Variants in ROBO2 observed in about 807,000 individuals in gnomAD.
The protein encoded by ROBO2 is roundabout guidance receptor 2.
Under a neutral mutation model 160.8 loss-of-function variants are expected in ROBO2, and 53 were observed. The ratio of observed to expected loss-of-function variants is 0.33; its 90% confidence interval spans 0.26 to 0.41. ROBO2 has a LOEUF of 0.41. Among genes scored for constraint, ROBO2 ranks in the 10% least tolerant of loss-of-function variants. ROBO2 has a pLI of 1.00. For synonymous variants in ROBO2, 664 were observed against 611.7 expected (o/e 1.09, Z -1.26); for missense variants, 1,577 against 1,722.4 (o/e 0.92, Z 1.49).
At chr3:76,315,668 A>G (rs2071956703) in intron 2 of ROBO2, among the ~76,000 whole-genome samples, 1 of 152,176 alleles carries the variant, frequency 6.6e-6, no homozygotes, top group Admixed American at 6.5e-5. Context: ...CCATTATTAT[A>G]TTTCTTCTGA....
chr3:77,344,963 T>G (rs2067469423), intron 2 of ROBO2, among the ~76,000 whole-genome samples: 1 of 152,092 alleles, frequency 6.6e-6, no homozygotes, highest in Non-Finnish European at 1.5e-5. Context: ...CTTATCTACT[T>G]CAGCATGACA....
chr3:77,237,411 T>TTGTGTGTGTGTGTGTGTGTGTGTG (rs71104662), intron 2 of ROBO2, among the ~76,000 whole-genome samples: 12 of 131,118 alleles, frequency 9.2e-5, no homozygotes, highest in East Asian at 4.2e-4. Context: ...TTGTTTTGTT[T>TTGTGTGTGTGTGTGTGTGTGTGTG]TGTGTGTGTG....
chr3:76,542,111 T>A (rs1034917624), intron 2 of ROBO2, among the ~76,000 whole-genome samples: 1 of 152,250 alleles, frequency 6.6e-6, no homozygotes, highest in Admixed American at 6.5e-5. Context: ...CTCTTGTAGT[T>A]TAGACTCTTT....
chr3:77,381,092 G>T (rs191272381), intron 2 of ROBO2, among the ~76,000 whole-genome samples: 3 of 152,282 alleles, frequency 2.0e-5, no homozygotes, highest in Non-Finnish European at 4.4e-5. Context: ...TAGGCGGGGG[G>T]ATCACGAGGT....
intron 2 of ROBO2, among the ~76,000 whole-genome samples, chr3:76,388,324 T>A (rs1433643121): frequency 6.6e-6 from 1 of 151,702 alleles, no homozygotes; most frequent in Non-Finnish European, 1.5e-5. Flanking sequence ...CAGGCTGGAG[T>A]GCAGTGGTGT....
At chr3:77,242,953 ATG>A (rs139300610) in intron 2 of ROBO2, among the ~76,000 whole-genome samples, 2 of 151,108 alleles carry the variant, frequency 1.3e-5, no homozygotes, top group African/African-American at 2.4e-5. Flanking sequence ...GAGAGTGAAT[ATG>A]TGTGTGTGTG....
At chr3:76,558,004 G>A (rs1179933746) in intron 2 of ROBO2, among the ~76,000 whole-genome samples, 1 of 132,384 alleles carries the variant, frequency 7.6e-6, no homozygotes, top group Non-Finnish European at 1.7e-5. Flanking sequence ...ACTAATTTCT[G>A]TTAGAGTTGA....
At chr3:77,110,766 A>G (rs2073475155) in intron 2 of ROBO2, among the ~76,000 whole-genome samples, 1 of 151,816 alleles carries the variant, frequency 6.6e-6, no homozygotes, top group Non-Finnish European at 1.5e-5. Context: ...TGATCACAGC[A>G]CACTGCAGCC....
At chr3:76,320,689 C>G (rs565529658) in intron 2 of ROBO2, among the ~76,000 whole-genome samples, 15 of 152,288 alleles carry the variant, frequency 9.8e-5, no homozygotes, top group South Asian at 2.1e-4. Context: ...TCCTGGCTAA[C>G]AAGTACAGAT....
chr3:76,622,408 T>C (rs1257668295), intron 2 of ROBO2, among the ~76,000 whole-genome samples: 3 of 152,110 alleles, frequency 2.0e-5, no homozygotes, highest in South Asian at 2.1e-4. Flanking sequence ...AAGGATAGCA[T>C]GAGCCATGAT....
chr3:76,736,269 G>A (rs898106236), intron 2 of ROBO2, among the ~76,000 whole-genome samples: 1 of 12,214 alleles, frequency 8.2e-5, no homozygotes, highest in Non-Finnish European at 1.5e-4. Flanking sequence ...GCGACAGAGC[G>A]AGACTCCGTC....
At chr3:76,397,945 T>C (rs1269828289) in intron 2 of ROBO2, among the ~76,000 whole-genome samples, 4 of 152,090 alleles carry the variant, frequency 2.6e-5, no homozygotes, top group Non-Finnish European at 5.9e-5. Context: ...GAACTAGAAG[T>C]ACCATTTGAC....
rs73841799 is a variant in ROBO2, at chr3:77,005,381, T to C, written c.110-92633T>C. Among the ~76,000 whole-genome samples, 960 of 152,264 alleles carry C rather than the reference T, an allele frequency of 6.3e-3. 8 individuals are homozygous for C. Among genetic ancestry groups the C allele is most frequent in the African/African-American group, 0.022 (916 of 41,554 alleles). The stretch of plus-strand genomic sequence containing the variant: ...CCTATTAATTGCCAATAATGGACCA[T>C]TTGTTTGGCATATCATTCCTTATAT... On this transcript the variant is annotated intron_variant, in intron 2 of 26. Coordinates refer to the ROBO2 transcript ENST00000487694.
chr3:76,960,578 A>G (rs1416510130), intron 2 of ROBO2, among the ~76,000 whole-genome samples: 1 of 152,140 alleles, frequency 6.6e-6, no homozygotes, highest in Non-Finnish European at 1.5e-5. Flanking sequence ...AAGTGAGAAA[A>G]GAAAAAAAGA....
chr3:76,412,590 G>A (rs1302036100), intron 2 of ROBO2, among the ~76,000 whole-genome samples: 4 of 152,176 alleles, frequency 2.6e-5, no homozygotes, highest in Non-Finnish European at 5.9e-5. Context: ...AAACAAAGGG[G>A]CTACAAGGAC....
At chr3:75,989,829 C>T (rs1369094720) in intron 2 of ROBO2, among the ~76,000 whole-genome samples, 1 of 152,180 alleles carries the variant, frequency 6.6e-6, no homozygotes, top group Non-Finnish European at 1.5e-5. Context: ...GCTAAGGATG[C>T]GTAACACACA....
At chr3:75,938,352 T>C (rs1178040030) in intron 2 of ROBO2, among the ~76,000 whole-genome samples, 2 of 151,994 alleles carry the variant, frequency 1.3e-5, no homozygotes, top group Non-Finnish European at 2.9e-5. Context: ...TGGAGGTGTG[T>C]TTTGGAGGAT....
At chr3:76,415,440 G>A (rs1278589637) in intron 2 of ROBO2, among the ~76,000 whole-genome samples, 2 of 152,134 alleles carry the variant, frequency 1.3e-5, no homozygotes, top group Admixed American at 6.5e-5. Context: ...GATATTGCAT[G>A]GTGACATAGC....
intron 2 of ROBO2, among the ~76,000 whole-genome samples, chr3:77,136,185 G>A (rs574618518): frequency 2.0e-4 from 31 of 152,262 alleles, no homozygotes; most frequent in African/African-American, 7.5e-4. Flanking sequence ...GAAAGATCTG[G>A]AATATTATTC....
Sources: allele counts gnomAD v4.1 joint callset (sites outside exome capture counted in the v4.1 genomes callset), GRCh38; gene constraint gnomAD v4.1.1; transcripts MANE v1.5; gene names NCBI Gene and HGNC (gene_info 2026-07-23, HGNC 2026-07-21).